The following NFIB variants were observed in gnomAD, a reference collection of about 807,000 sequenced individuals.
NFIB encodes nuclear factor I B, also known as nuclear factor 1 B-type.
A neutral mutation model predicts 61.5 loss-of-function variants in NFIB; 11 were observed. The ratio of observed to expected loss-of-function variants is 0.18; its 90% CI spans 0.11 to 0.30. NFIB has a LOEUF of 0.30. Among genes scored for constraint, NFIB ranks in the 10% least tolerant of loss-of-function variants. NFIB has a pLI of 1.00. For synonymous variants in NFIB, 260 were observed against 216.5 expected (o/e 1.20, Z -1.76); for missense variants, 471 against 608.9 (o/e 0.77, Z 2.38).
At chr9:14,385,106 G>A (rs74641663) in intron 1 of NFIB, among the ~76,000 whole-genome samples, 1,805 of 152,248 alleles carry the variant, frequency 0.012, 28 homozygotes, top group Non-Finnish European at 0.018. Context: ...AATCCTCAGG[G>A]CTCACTATGT....
At chr9:14,291,376 T>C (rs1219715907) in intron 2 of NFIB, among the ~76,000 whole-genome samples, 2 of 151,884 alleles carry the variant, frequency 1.3e-5, no homozygotes, top group Non-Finnish European at 2.9e-5. Context: ...TCCCAGCTAC[T>C]TGGGAGGCTG....
At chr9:14,255,379 C>G (rs1277239238) in intron 2 of NFIB, among the ~76,000 whole-genome samples, 3 of 152,162 alleles carry the variant, frequency 2.0e-5, no homozygotes, top group African/African-American at 7.2e-5. Context: ...GTAAGATCAC[C>G]TGGGGATTAA....
rs111931329 is a variant in NFIB at position 14,158,122 on chromosome 9, A to C, written c.617-2229T>G. Among the ~76,000 whole-genome samples the C allele has an allele frequency of 7.6e-3, 1,160 of 151,780 alleles. 10 individuals are homozygous for C. Among genetic ancestry groups the C allele is most frequent in the East Asian group, 0.043 (221 of 5,164 alleles). ...CAAGACTCCATCTCAAAAAAAAAAAAAAAACAAAACAAAACAAAAAAACAA... is the reference window on the plus strand; with the variant it reads ...CAAGACTCCATCTCAAAAAAAAAAACAAAACAAAACAAAACAAAAAAACAA... On this transcript the variant is annotated intron_variant, in intron 3 of 10. Transcript: ENST00000380953.
At chr9:14,240,935 C>T (rs1014216299) in intron 2 of NFIB, among the ~76,000 whole-genome samples, 1 of 152,180 alleles carries the variant, frequency 6.6e-6, no homozygotes, top group African/African-American at 2.4e-5. Context: ...AAGCCAGGAC[C>T]AACTAAACTG....
the NFIB span, among the ~76,000 whole-genome samples, chr9:14,428,962 G>C: frequency 6.6e-6 from 1 of 152,198 alleles, no homozygotes; most frequent in Admixed American, 6.5e-5. Flanking sequence ...GCGCCATCTA[G>C]TGGCAATTTC....
intron 10 of NFIB, among the ~76,000 whole-genome samples, chr9:14,103,012 C>G (rs2036000932): frequency 6.6e-6 from 1 of 152,188 alleles, no homozygotes; most frequent in African/African-American, 2.4e-5. Context: ...TTAGAAGCAT[C>G]AAGGTCTTCA....
At chr9:14,531,850 A>C in the NFIB span, 1 of 152,190 alleles carries the variant, frequency 6.6e-6, no homozygotes, top group Admixed American at 6.5e-5. Flanking sequence ...AGCGAACTTT[A>C]TAACACGTGC....
At chr9:14,289,911 G>C (rs1017711643) in intron 2 of NFIB, among the ~76,000 whole-genome samples, 1 of 151,998 alleles carries the variant, frequency 6.6e-6, no homozygotes, top group African/African-American at 2.4e-5. Context: ...CCATGAAAAT[G>C]TTTGGGATTT....
At chr9:14,138,549 T>C (rs2041329339) in intron 6 of NFIB, among the ~76,000 whole-genome samples, 1 of 151,502 alleles carries the variant, frequency 6.6e-6, no homozygotes, top group Admixed American at 6.6e-5. Context: ...ACTGTGATTA[T>C]GTAAAAAAAA....
At chr9:14,392,774 A>T (rs1391799825) in intron 1 of NFIB, among the ~76,000 whole-genome samples, 2 of 152,168 alleles carry the variant, frequency 1.3e-5, no homozygotes, top group Non-Finnish European at 2.9e-5. Flanking sequence ...TAGGGTGGTT[A>T]TTCTCATAAC....
chr9:14,171,406 T>C (rs578169165), intron 3 of NFIB, among the ~76,000 whole-genome samples: 3 of 152,200 alleles, frequency 2.0e-5, no homozygotes, highest in Non-Finnish European at 2.9e-5. Flanking sequence ...CTATGACTGC[T>C]CCTTTAAATA....
chr9:14,440,075 T>A, the NFIB span, among the ~76,000 whole-genome samples: 1 of 152,156 alleles, frequency 6.6e-6, no homozygotes, highest in East Asian at 1.9e-4. Flanking sequence ...GTGGACCTAC[T>A]TTTTGTCTAG....
chr9:14,455,323 T>C, the NFIB span, among the ~76,000 whole-genome samples: 2 of 152,296 alleles, frequency 1.3e-5, no homozygotes, highest in African/African-American at 4.8e-5. Context: ...TAAATATGTG[T>C]GATATAACAA....
At chr9:14,130,186 G>A (rs2040239697) in intron 6 of NFIB, among the ~76,000 whole-genome samples, 1 of 152,068 alleles carries the variant, frequency 6.6e-6, no homozygotes, top group South Asian at 2.1e-4. Flanking sequence ...CCAGCAGCTG[G>A]CATCGTATCC....
chr9:14,298,181 T>G (rs547131514), intron 2 of NFIB, among the ~76,000 whole-genome samples: 29 of 152,220 alleles, frequency 1.9e-4, no homozygotes, highest in African/African-American at 7.0e-4. Context: ...AACTCATTTG[T>G]AAAGAAAAAA....
chr9:14,282,443 G>C (rs975648906), intron 2 of NFIB, among the ~76,000 whole-genome samples: 1 of 152,180 alleles, frequency 6.6e-6, no homozygotes, highest in South Asian at 2.1e-4. Context: ...CAGTAGAGAT[G>C]TGAAAATTAA....
chr9:14,319,074 C>G (rs1186556362), upstream of NFIB, among the ~76,000 whole-genome samples: 1 of 152,046 alleles, frequency 6.6e-6, no homozygotes, highest in Non-Finnish European at 1.5e-5. Flanking sequence ...AATAAATAAC[C>G]TTGGACCTTT....
intron 1 of NFIB, among the ~76,000 whole-genome samples, chr9:14,386,557 GA>G (rs2061550906): frequency 6.6e-6 from 1 of 152,194 alleles, no homozygotes; most frequent in South Asian, 2.1e-4. Flanking sequence ...ATAAAGGGGG[GA>G]GAAATATTTT....
At chr9:14,481,627 A>G in the NFIB span, among the ~76,000 whole-genome samples, 1 of 151,960 alleles carries the variant, frequency 6.6e-6, no homozygotes, top group East Asian at 1.9e-4. Flanking sequence ...CAAGGTCCCA[A>G]AATTTGCCTG....
Sources: gnomAD v4.1 joint callset for allele counts (sites outside exome capture counted in the v4.1 genomes callset) on GRCh38, gnomAD v4.1.1 for gene constraint, MANE v1.5 for transcripts, NCBI Gene and HGNC (gene_info 2026-07-23, HGNC 2026-07-21) for gene names.